The following MMP26 variants were observed in gnomAD, a reference collection of about 807,000 sequenced individuals.
MMP26 encodes the protein matrix metalloproteinase-26.
Under a neutral mutation model 31.0 loss-of-function variants are expected in MMP26, and 33 were observed. The ratio of observed to expected loss-of-function variants is 1.06; its 90% CI spans 0.81 to 1.42. The LOEUF (loss-of-function observed/expected upper bound fraction) is 1.42. MMP26 is among the 40% of genes most tolerant of loss of function. MMP26 has a pLI of 0.00. For synonymous variants in MMP26, 122 were observed against 114.9 expected, an observed-to-expected ratio of 1.06 and a Z score of -0.40; for missense variants, 347 against 316.1, an observed-to-expected ratio of 1.10 and a Z score of -0.74.
chr11:4,992,344 G>T lies in MMP26; in HGVS notation c.*102G>T. ...CAGCCTTGGGGACTGCTAGGATGAA[G>T]CCCTAAAGAATGCAACCTAGTCAGG... On this transcript the variant is annotated 3_prime_UTR_variant, in exon 8 of 8. Coordinates refer to ENST00000380390, the MANE Select transcript of MMP26 (RefSeq NM_021801.5). 1.7e-6 allele frequency: 2 copies of T among 1,185,136 alleles called. No homozygotes were observed. The highest frequency in any genetic ancestry group is 2.4e-6 in the Non-Finnish European group (2 of 838,464). The allele number at this position is 1,185,136 out of a possible 1,614,324, so 73.4% of individuals were successfully genotyped here. A position where few individuals can be genotyped will look rare whatever the true frequency, so the allele number is the denominator to read the frequency against.
At chr11:4,987,489 G>A (rs1846921299) in intron 2 of MMP26, among the ~76,000 whole-genome samples, 1 of 151,882 alleles carries the variant, frequency 6.6e-6, no homozygotes, top group Admixed American at 6.6e-5. Flanking sequence ...CGCGATCTCG[G>A]CTCACTGCAA....
At chr11:4,975,728 A>G (rs1238379130) in intron 2 of MMP26, among the ~76,000 whole-genome samples, 1 of 151,844 alleles carries the variant, frequency 6.6e-6, no homozygotes, top group Non-Finnish European at 1.5e-5. Flanking sequence ...TCTCCCCTCC[A>G]TGCTGTTCCT....
chr11:4,710,028 G>T (rs1847838459), intron 1 of MMP26: 1 of 456,578 alleles, frequency 2.2e-6, no homozygotes, highest in African/African-American at 2.0e-5. Flanking sequence ...TGTTCTTAGG[G>T]GAACAACAGC....
chr11:4,758,546 G>A (rs1406385282), intron 1 of MMP26, among the ~76,000 whole-genome samples: 2 of 149,664 alleles, frequency 1.3e-5, no homozygotes, highest in Non-Finnish European at 1.5e-5. Context: ...GGTTAAATAT[G>A]TAAATATCAA....
intron 2 of MMP26, chr11:4,915,198 G>T (rs773289689): frequency 6.2e-7 from 1 of 1,613,934 alleles, no homozygotes; most frequent in Non-Finnish European, 8.5e-7. Context: ...GCTACACTAC[G>T]ACCCAGAGAG....
intron 1 of MMP26, among the ~76,000 whole-genome samples, chr11:4,727,932 GT>G (rs1848124527): frequency 6.6e-6 from 1 of 152,154 alleles, no homozygotes; most frequent in Non-Finnish European, 1.5e-5. Context: ...AAATATTTAA[GT>G]AAAAATGTCA....
chr11:4,738,037 T>C (rs1056931775), intron 1 of MMP26, among the ~76,000 whole-genome samples: 2 of 152,062 alleles, frequency 1.3e-5, no homozygotes, highest in African/African-American at 4.8e-5. Flanking sequence ...CAAGTGATGC[T>C]CTTGCCTCAG....
chr11:4,708,277 C>A (rs76013873), intron 1 of MMP26, among the ~76,000 whole-genome samples: 1 of 152,168 alleles, frequency 6.6e-6, no homozygotes, highest in Non-Finnish European at 1.5e-5. Flanking sequence ...CACTATCTTT[C>A]TTTGCGTGTG....
chr11:4,991,804 A>G (rs2499959), intron 6 of MMP26, among the ~76,000 whole-genome samples, 160 bp from the exon 7 acceptor site: 11,492 of 151,662 alleles, frequency 0.076, 1,423 homozygotes, highest in African/African-American at 0.26. Context: ...TCTGTTTTCT[A>G]CTTACTTTCT....
intron 3 of MMP26, 63 bp from the exon 4 acceptor site, chr11:4,989,585 G>A: frequency 7.4e-7 from 1 of 1,351,812 alleles, no homozygotes; most frequent in Non-Finnish European, 1.0e-6. Flanking sequence ...CTATGCCCAG[G>A]GTAACTGATA....
At chr11:4,804,964 C>A (rs11604554) in intron 2 of MMP26, among the ~76,000 whole-genome samples, 2 of 146,240 alleles carry the variant, frequency 1.4e-5, no homozygotes, top group African/African-American at 2.6e-5. Flanking sequence ...AGCGAAACCG[C>A]CTCAAAAAAA....
chr11:4,803,466 C>A, intron 2 of MMP26: 1 of 1,612,246 alleles, frequency 6.2e-7, no homozygotes, highest in Non-Finnish European at 8.5e-7. Context: ...CTTGGATAAC[C>A]CTGTCCCCGA....
At chr11:4,860,438 C>T (rs907631975) in intron 2 of MMP26, 2 of 470,880 alleles carry the variant, frequency 4.2e-6, no homozygotes, top group African/African-American at 2.0e-5. Flanking sequence ...GTACCATTTC[C>T]CAGGAGTGTG....
chr11:4,990,891 T>TA, intron 5 of MMP26, 145 bp downstream of exon 5: 1 of 759,466 alleles, frequency 1.3e-6, no homozygotes, highest in East Asian at 2.6e-5. Flanking sequence ...GCAAATCCTG[T>TA]AATAGGGAAG....
At chr11:4,720,072 C>T (rs537765063) in intron 1 of MMP26, among the ~76,000 whole-genome samples, 10 of 152,318 alleles carry the variant, frequency 6.6e-5, no homozygotes, top group South Asian at 4.1e-4. Flanking sequence ...TCCTTTGCCT[C>T]TGGCCTCCTT....
At chr11:4,820,932 C>A (rs1849488021) in intron 2 of MMP26, among the ~76,000 whole-genome samples, 1 of 152,094 alleles carries the variant, frequency 6.6e-6, no homozygotes, top group Non-Finnish European at 1.5e-5. Context: ...CATATATGGG[C>A]CTGTGTGTCC....
At chr11:4,916,413 T>C (rs532571697) in intron 2 of MMP26, among the ~76,000 whole-genome samples, 2 of 148,146 alleles carry the variant, frequency 1.4e-5, no homozygotes, top group Non-Finnish European at 3.0e-5. Flanking sequence ...AAAAAAAAAG[T>C]CCTCACATGC....
chr11:4,923,796 G>C (rs745650846), intron 2 of MMP26: 1 of 1,613,898 alleles, frequency 6.2e-7, no homozygotes, highest in Admixed American at 1.7e-5. Context: ...TCCAGGTGAA[G>C]ACAATAAGCA....
intron 2 of MMP26, among the ~76,000 whole-genome samples, chr11:4,963,577 C>A (rs1217174932): frequency 6.6e-6 from 1 of 152,100 alleles, no homozygotes; most frequent in East Asian, 1.9e-4. Flanking sequence ...AGAAATAATG[C>A]CAAACATCTA....
Sources: allele counts gnomAD v4.1 joint callset (sites outside exome capture counted in the v4.1 genomes callset), GRCh38; gene constraint gnomAD v4.1.1; transcripts MANE v1.5; gene names NCBI Gene and HGNC (gene_info 2026-07-23, HGNC 2026-07-21).